FLRT1: variants seen among roughly 807,000 people sequenced by gnomAD.
FLRT1 encodes fibronectin leucine rich transmembrane protein 1, also known as leucine-rich repeat transmembrane protein FLRT1.
FLRT1 carries 14 observed loss-of-function variants against 30.9 expected under a neutral mutation model. The ratio of observed to expected loss-of-function variants is 0.45; its 90% CI spans 0.30 to 0.71. The LOEUF (loss-of-function observed/expected upper bound fraction) is 0.71, where lower values mean the gene tolerates loss of function less well. Among genes scored for constraint, FLRT1 ranks in the 30% least tolerant of loss-of-function variants. The probability of loss-of-function intolerance (pLI) is 0.08; values close to 1 mark genes in which losing one functional copy is unlikely to be tolerated. For synonymous variants in FLRT1, 368 were observed against 430.4 expected, an observed-to-expected ratio of 0.85 and a Z score of 1.80; for missense variants, 737 against 949.2, an observed-to-expected ratio of 0.78 and a Z score of 2.94.
Position 64,096,022 on chromosome 11 carries a change from C to T in FLRT1, c.-1037-7172C>T, listed in dbSNP as rs979209163. Among the ~76,000 whole-genome samples the T allele has an allele frequency of 1.3e-5, 2 of 152,220 alleles. No individual in the cohort carries two copies. The highest frequency in any genetic ancestry group is 2.9e-5 in the Non-Finnish European group (2 of 68,028). On this transcript the variant is annotated intron_variant, in intron 1 of 2. Coordinates refer to ENST00000682287, the MANE Select transcript of FLRT1 (RefSeq NM_013280.5). This position sits in a 1 kb window ranked among gnomAD's most constrained non-coding sequence, Gnocchi z 4.6. Reference sequence around the variant, plus strand: ...GCCTGCAGGATATGTCGCGCTGCAGCCAGCACAGTGCTGCTTCAAACTGCC... The same window carrying T: ...GCCTGCAGGATATGTCGCGCTGCAGTCAGCACAGTGCTGCTTCAAACTGCC...
intron 2 of FLRT1, among the ~76,000 whole-genome samples, chr11:64,105,841 C>T (rs930596331): frequency 6.6e-6 from 1 of 152,166 alleles, no homozygotes; most frequent in African/African-American, 2.4e-5. Flanking sequence ...GCTCTGTCTC[C>T]ACCCTGAGCC....
chr11:64,116,923 A>G lies in FLRT1; in HGVS notation c.656A>G (p.Lys219Arg). 2 of 1,611,546 alleles carry G rather than the reference A, an allele frequency of 1.2e-6. No individual in the cohort carries two copies. Among genetic ancestry groups the G allele is most frequent in the Non-Finnish European group, 1.7e-6 (2 of 1,180,018 alleles). The change falls in exon 3 of 3, where the codon AAG (lysine) becomes AGG (arginine). Residue 219 changes from lysine to arginine, a missense_variant. By Grantham distance (26) the Lys-to-Arg change is conservative. Transcript: ENST00000682287. ...TCCACCATCCCGCTGCATGCCTTCA[A>G]GGGCCTCAACAGCCTGCGGCGCCTG... is the stretch of plus-strand genomic sequence containing the variant. ...RISTIPLHAF[K>R]GLNSLRRLVL...
At chr11:64,065,197 C>G (rs1330217914) in intron 1 of FLRT1, among the ~76,000 whole-genome samples, 3 of 152,142 alleles carry the variant, frequency 2.0e-5, no homozygotes, top group African/African-American at 7.2e-5. Flanking sequence ...AGGAAGCAGG[C>G]CTGGGGTCAG....
chr11:64,065,789 C>CA (rs58096977), intron 1 of FLRT1, among the ~76,000 whole-genome samples: 1,384 of 67,378 alleles, frequency 0.021, 21 homozygotes, highest in African/African-American at 0.043. Context: ...GACTCCGCCT[C>CA]AAAAAAAAAA....
At chr11:64,078,536 A>G (rs1257291132) in intron 1 of FLRT1, among the ~76,000 whole-genome samples, 2 of 152,024 alleles carry the variant, frequency 1.3e-5, no homozygotes, top group African/African-American at 4.8e-5. Flanking sequence ...CCGGGAGGGG[A>G]GCTGTCTGGG....
At position 64,118,318 on chromosome 11, in the gene FLRT1, C is replaced by T. The variant is rs750921137; in HGVS notation, c.*26C>T. 1 of 1,530,730 alleles carries T rather than the reference C, an allele frequency of 6.5e-7. No homozygotes were observed. The highest frequency in any genetic ancestry group is 1.3e-5 in the South Asian group (1 of 78,994). The allele number at this position is 1,530,730 out of a possible 1,614,324, so 94.8% of individuals were successfully genotyped here. ...TGCCCGCCCACCCGGGCTGCCCCGCCTCAGCCCCAGCTGCCCTGGCGTGGC... is the reference window on the plus strand; with the variant it reads ...TGCCCGCCCACCCGGGCTGCCCCGCTTCAGCCCCAGCTGCCCTGGCGTGGC... On this transcript the variant is annotated 3_prime_UTR_variant, in exon 3 of 3. Coordinates refer to ENST00000682287, the MANE Select transcript of FLRT1 (RefSeq NM_013280.5).
At chr11:64,115,376 G>C (rs1014337544) in intron 2 of FLRT1, among the ~76,000 whole-genome samples, 2 of 151,468 alleles carry the variant, frequency 1.3e-5, no homozygotes, top group East Asian at 1.9e-4. Context: ...CAAGAAAACA[G>C]ACCACTTTTT....
intron 1 of FLRT1, among the ~76,000 whole-genome samples, chr11:64,042,045 G>A (rs540992790): frequency 4.2e-4 from 64 of 152,312 alleles, no homozygotes; most frequent in Admixed American, 1.1e-3. Flanking sequence ...CTCGGGCAGC[G>A]GCCATGGTGG....
intron 2 of FLRT1, among the ~76,000 whole-genome samples, chr11:64,113,736 T>TGATG (rs747928879): frequency 2.1e-5 from 3 of 142,240 alleles, no homozygotes; most frequent in Admixed American, 7.0e-5. Context: ...GATACATGGA[T>TGATG]GATGGATGGA....
In FLRT1 at chr11:64,118,522, A is replaced by G; in HGVS notation, c.*230A>G. The stretch of plus-strand genomic sequence containing the variant: ...GGGGGAATTCGACATTGTTGAAGAC[A>G]TAATTTATACCAAGTTATGCCAGTT... On this transcript the variant is annotated 3_prime_UTR_variant, in exon 3 of 3. Transcript: ENST00000682287. 1 of 483,966 alleles carries G rather than the reference A, an allele frequency of 2.1e-6. No homozygotes were observed. The highest frequency in any genetic ancestry group is 5.9e-5 in the South Asian group (1 of 17,010). 30.0% of individuals were successfully genotyped at this position (483,966 alleles called of 1,614,324 possible). A position where few individuals can be genotyped will look rare whatever the true frequency, so the allele number is the denominator to read the frequency against.
intron 1 of FLRT1, among the ~76,000 whole-genome samples, chr11:64,073,104 A>G (rs1944138908): frequency 6.6e-6 from 1 of 152,102 alleles, no homozygotes; most frequent in Non-Finnish European, 1.5e-5. Flanking sequence ...GACACATGCA[A>G]AGAGGCTGCG....
chr11:64,081,398 A>T (rs1304082427), intron 1 of FLRT1, among the ~76,000 whole-genome samples: 1 of 152,160 alleles, frequency 6.6e-6, no homozygotes, highest in Non-Finnish European at 1.5e-5. Flanking sequence ...GTGCTCAGGG[A>T]CGTTACAACA....
intron 1 of FLRT1, among the ~76,000 whole-genome samples, chr11:64,055,513 G>A (rs2134422701): frequency 6.6e-6 from 1 of 152,318 alleles, no homozygotes; most frequent in South Asian, 2.1e-4. Context: ...CCATTAGGGG[G>A]CTAAAGAGGA....
At chr11:64,108,786 G>A (rs755731909) in intron 2 of FLRT1, among the ~76,000 whole-genome samples, 3 of 152,210 alleles carry the variant, frequency 2.0e-5, no homozygotes, top group African/African-American at 4.8e-5. Context: ...GGGAGGGACT[G>A]GCAGGGGAAA....
intron 2 of FLRT1, among the ~76,000 whole-genome samples, chr11:64,112,898 G>A (rs1322435384): frequency 6.6e-6 from 1 of 152,240 alleles, no homozygotes; most frequent in Non-Finnish European, 1.5e-5. Flanking sequence ...TGAGTGTGCA[G>A]GGGTGAGTGG....
At chr11:64,085,512 C>G (rs921712023) in intron 1 of FLRT1, among the ~76,000 whole-genome samples, 11 of 152,184 alleles carry the variant, frequency 7.2e-5, no homozygotes, top group Non-Finnish European at 1.0e-4. Context: ...GATTGTCCAC[C>G]CAAATTAAAT....
intron 1 of FLRT1, among the ~76,000 whole-genome samples, chr11:64,077,891 A>G (rs1565222090): frequency 1.3e-5 from 2 of 152,170 alleles, no homozygotes; most frequent in Non-Finnish European, 2.9e-5. Flanking sequence ...AACAGCAGAT[A>G]TGTTTAGGCC....
intron 1 of FLRT1, among the ~76,000 whole-genome samples, chr11:64,062,921 C>A (rs568098810): frequency 6.6e-6 from 1 of 152,234 alleles, no homozygotes; most frequent in Non-Finnish European, 1.5e-5. Context: ...TCATTCCCCA[C>A]AAACACCTGA....
At chr11:64,043,717 A>G (rs1182006491) in intron 1 of FLRT1, among the ~76,000 whole-genome samples, 1 of 152,188 alleles carries the variant, frequency 6.6e-6, no homozygotes, top group African/African-American at 2.4e-5. Flanking sequence ...GCAGAATCCC[A>G]CTGAGGCTTC....
Sources: allele counts gnomAD v4.1 joint callset (sites outside exome capture counted in the v4.1 genomes callset), GRCh38; gene constraint gnomAD v4.1.1; non-coding constraint Gnocchi (gnomAD v3.1); transcripts MANE v1.5; gene names NCBI Gene and HGNC (gene_info 2026-07-23, HGNC 2026-07-21).